The following WDFY1 variants were observed in gnomAD, a reference collection of about 807,000 sequenced individuals.
WDFY1 encodes WD repeat and FYVE domain-containing protein 1.
In WDFY1, 32 loss-of-function variants were observed where a neutral mutation model predicts 56.4. The observed-to-expected ratio is 0.57, with a 90% CI of 0.43 to 0.76. The LOEUF is 0.76. Among genes scored for constraint, WDFY1 ranks in the 30% least tolerant of loss-of-function variants. WDFY1 has a pLI of 0.00. For synonymous variants in WDFY1, 192 were observed against 197.3 expected (o/e 0.97, Z 0.23); for missense variants, 480 against 545.7 (o/e 0.88, Z 1.20).
chr2:223,886,353 A>G (rs1050876477), intron 8 of WDFY1, among the ~76,000 whole-genome samples: 18 of 152,066 alleles, frequency 1.2e-4, no homozygotes, highest in Non-Finnish European at 1.9e-4. Context: ...AAACAAAACA[A>G]AACAAAATAA....
intron 7 of WDFY1, among the ~76,000 whole-genome samples, chr2:223,895,235 G>A (rs1022937993): frequency 2.0e-5 from 3 of 152,202 alleles, no homozygotes; most frequent in Non-Finnish European, 2.9e-5. Context: ...CTCCTTGAGA[G>A]AAAAAGTGGC....
intron 1 of WDFY1, among the ~76,000 whole-genome samples, chr2:223,935,757 A>T (rs1694158635): frequency 6.6e-6 from 1 of 152,234 alleles, no homozygotes; most frequent in Admixed American, 6.5e-5. Context: ...ATCATCAGTA[A>T]TATACTAGGA....
intron 1 of WDFY1, among the ~76,000 whole-genome samples, chr2:223,940,464 G>A (rs913397874): frequency 2.0e-5 from 3 of 152,148 alleles, no homozygotes. Flanking sequence ...GGGAGGAAGT[G>A]TGAGGATTGG....
In WDFY1 at chr2:223,928,606, T is replaced by C. The variant is rs138466069; in HGVS notation, c.138-10596A>G. On this transcript the variant is annotated intron_variant, in intron 1 of 11. Transcript: ENST00000233055. ...TTTCAAGAGTGGCTACCTAAAATTC[T>C]ACATGTTAAAATGTTCCACTCCCTA... Among the ~76,000 whole-genome samples, 466 of 152,350 alleles carry C rather than the reference T, an allele frequency of 3.1e-3. 2 individuals are homozygous for C. The highest frequency in any genetic ancestry group is 4.2e-3 in the Non-Finnish European group (288 of 68,034).
chr2:223,903,648 G>GT (rs1195334020), intron 4 of WDFY1, among the ~76,000 whole-genome samples: 38 of 9,238 alleles, frequency 4.1e-3, no homozygotes, highest in African/African-American at 5.4e-3. Flanking sequence ...CACGTTTTTT[G>GT]TTTTTTTTTT....
At chr2:223,934,047 A>G (rs1010549693) in intron 1 of WDFY1, among the ~76,000 whole-genome samples, 1 of 150,334 alleles carries the variant, frequency 6.7e-6, no homozygotes, top group Admixed American at 6.6e-5. Context: ...AAAGAAGCAC[A>G]GTTTCTAATA....
At chr2:223,929,372 G>C (rs1694039774) in intron 1 of WDFY1, among the ~76,000 whole-genome samples, 1 of 151,848 alleles carries the variant, frequency 6.6e-6, no homozygotes, top group African/African-American at 2.4e-5. Flanking sequence ...ATTTTTAGTA[G>C]AGATGGGGTT....
intron 1 of WDFY1, among the ~76,000 whole-genome samples, chr2:223,919,486 C>T (rs1338881496): frequency 6.6e-6 from 1 of 152,218 alleles, no homozygotes; most frequent in Admixed American, 6.5e-5. Flanking sequence ...GCTGGGATTA[C>T]AGGCGTGAAT....
intron 2 of WDFY1, 133 bp downstream of exon 2, chr2:223,917,810 G>T: frequency 1.1e-6 from 1 of 916,452 alleles, no homozygotes; most frequent in Non-Finnish European, 1.6e-6. Flanking sequence ...GACCCCAGGT[G>T]ATCTACCCGC....
intron 1 of WDFY1, among the ~76,000 whole-genome samples, chr2:223,923,630 G>A (rs570746824): frequency 5.3e-5 from 8 of 152,140 alleles, no homozygotes; most frequent in South Asian, 2.1e-4. Context: ...GCGTGGTGGC[G>A]GGCACCTGTA....
chr2:223,944,418 C>G (rs1428917946), intron 1 of WDFY1, among the ~76,000 whole-genome samples: 1 of 152,282 alleles, frequency 6.6e-6, no homozygotes, highest in African/African-American at 2.4e-5. Flanking sequence ...GTCGGGGTTC[C>G]CTGGTTGGAG....
rs995106123 is a variant in WDFY1, at chr2:223,876,076, T to C, written c.*2595A>G. ...TAATGAATAATTTGTTTCTACCTAA[T>C]GCTATAGGGGTATTGCTATCATTTG... On this transcript the variant is annotated 3_prime_UTR_variant, in exon 12 of 12. Transcript: ENST00000233055. The C allele has an allele frequency of 6.6e-6, 1 of 152,414 alleles. No individual in the cohort carries two copies. The highest frequency in any genetic ancestry group is 1.5e-5 in the Non-Finnish European group (1 of 68,014). 9.4% of individuals were successfully genotyped at this position (152,414 alleles called of 1,614,324 possible).
At chr2:223,923,277 A>G (rs1045554789) in intron 1 of WDFY1, among the ~76,000 whole-genome samples, 3 of 152,230 alleles carry the variant, frequency 2.0e-5, no homozygotes, top group Non-Finnish European at 4.4e-5. Context: ...TATGAGTAAT[A>G]TACGAATGTA....
At chr2:223,890,755 G>A (rs908613454) in intron 8 of WDFY1, among the ~76,000 whole-genome samples, 1 of 152,136 alleles carries the variant, frequency 6.6e-6, no homozygotes, top group African/African-American at 2.4e-5. Context: ...TGCTGCACTC[G>A]TCACACTGCA....
intron 1 of WDFY1, 76 bp downstream of exon 1, chr2:223,945,072 C>G: frequency 1.4e-6 from 2 of 1,464,828 alleles, no homozygotes; most frequent in Non-Finnish European, 9.0e-7. Context: ...CAGGAAGGAC[C>G]GGGGCCGCGG....
intron 1 of WDFY1, among the ~76,000 whole-genome samples, chr2:223,941,661 C>A (rs1689307598): frequency 6.6e-6 from 1 of 152,022 alleles, no homozygotes; most frequent in Non-Finnish European, 1.5e-5. Flanking sequence ...CTGTCTCTCC[C>A]CCACAGGTCT....
At chr2:223,882,356 A>G (rs1403551817) in intron 9 of WDFY1, among the ~76,000 whole-genome samples, 4 of 151,958 alleles carry the variant, frequency 2.6e-5, no homozygotes, top group Non-Finnish European at 2.9e-5. Flanking sequence ...CTCATGATCC[A>G]CCTGCCTCAG....
Position 223,894,239 on chromosome 2 carries a change from C to T in WDFY1, c.826G>A (p.Glu276Lys). Residue 276 changes from glutamate to lysine, a missense_variant, in exon 8 of 12, where the codon GAA becomes AAA. Coordinates refer to ENST00000233055, the MANE Select transcript of WDFY1 (RefSeq NM_020830.5). ...IAVWNMDVSR[E>K]EAPQWLESDS... ...GACTTGCCCTTGTCTCTTACCTCTT[C>T]TCTGCTAACATCCATGTTCCACACT... 1 of 1,614,172 alleles carries T rather than the reference C, an allele frequency of 6.2e-7. No homozygotes were observed. Among genetic ancestry groups the T allele is most frequent in the Non-Finnish European group, 8.5e-7 (1 of 1,179,990 alleles).
At chr2:223,883,890 C>A (rs1211690124) in intron 9 of WDFY1, among the ~76,000 whole-genome samples, 1 of 152,130 alleles carries the variant, frequency 6.6e-6, no homozygotes, top group Non-Finnish European at 1.5e-5. Flanking sequence ...GGGTGATCCA[C>A]CTGCCTCGGC....
Sources: allele counts gnomAD v4.1 joint callset (sites outside exome capture counted in the v4.1 genomes callset), GRCh38; gene constraint gnomAD v4.1.1; transcripts MANE v1.5; gene names NCBI Gene and HGNC (gene_info 2026-07-23, HGNC 2026-07-21).